The following SENP2 variants were observed in gnomAD, a reference collection of about 807,000 sequenced individuals.
SENP2 encodes SUMO specific peptidase 2.
Under a neutral mutation model 86.3 loss-of-function variants are expected in SENP2, and 16 were observed. The observed-to-expected ratio is 0.19, with a 90% CI of 0.13 to 0.28. The LOEUF (loss-of-function observed/expected upper bound fraction) is 0.28, where lower values mean the gene tolerates loss of function less well. Among genes scored for constraint, SENP2 ranks in the 10% least tolerant of loss-of-function variants. The pLI, the probability that SENP2 is intolerant of heterozygous loss-of-function variation, is 1.00. For synonymous variants in SENP2, 222 were observed against 238.7 expected (o/e 0.93, Z 0.64); for missense variants, 552 against 703.0 (o/e 0.79, Z 2.43).
intron 5 of SENP2, among the ~76,000 whole-genome samples, chr3:185,602,832 T>TAAA (rs1156317272): frequency 6.8e-4 from 43 of 63,038 alleles, no homozygotes; most frequent in African/African-American, 2.4e-3. Context: ...GACTCTGTCT[T>TAAA]AAAAAAAAAA....
chr3:185,602,364 G>A (rs1298987870), intron 5 of SENP2, among the ~76,000 whole-genome samples: 1 of 152,102 alleles, frequency 6.6e-6, no homozygotes, highest in Non-Finnish European at 1.5e-5. Context: ...TCAAAAACTG[G>A]GCATGCCACC....
Position 185,617,422 on chromosome 3 carries a change from A to G in SENP2, c.1111-58A>G, listed in dbSNP as rs866501375. 1.6e-5 allele frequency: 23 copies of G among 1,474,566 alleles called. No individual in the cohort carries two copies. In the East Asian group the frequency reaches 4.5e-4, roughly 29 times the overall value. The allele number at this position is 1,474,566 out of a possible 1,614,324, so 91.3% of individuals were successfully genotyped here. On this transcript the variant is annotated intron_variant, in intron 11 of 16. Transcript: ENST00000296257. ...ACTTTTTTCAGTCTCGGAGTTTTCAATAACTGATAATGAATGGTTCTATAT... is the reference window on the plus strand; with the variant it reads ...ACTTTTTTCAGTCTCGGAGTTTTCAGTAACTGATAATGAATGGTTCTATAT...
At chr3:185,599,202 GT>G (rs971048885) in intron 4 of SENP2, among the ~76,000 whole-genome samples, 178 bp downstream of exon 4, 1 of 151,884 alleles carries the variant, frequency 6.6e-6, no homozygotes, top group African/African-American at 2.4e-5. Flanking sequence ...ATTTACTGTT[GT>G]TTTTTGTTTG....
At chr3:185,587,569 A>ACTTTTTTTTTTTTTTT (rs1491115475) in intron 1 of SENP2, among the ~76,000 whole-genome samples, 1 of 103,208 alleles carries the variant, frequency 9.7e-6, no homozygotes, top group Non-Finnish European at 2.0e-5. Flanking sequence ...ATCAAGTGTT[A>ACTTTTTTTTTTTTTTT]ATTTTTTTTT....
intron 10 of SENP2, 51 bp downstream of exon 10, chr3:185,613,459 T>C (rs1334210203): frequency 3.6e-6 from 4 of 1,111,718 alleles, no homozygotes; most frequent in Admixed American, 1.8e-5. Context: ...ATGTAACTTA[T>C]GTTTTGGTGC....
chr3:185,592,011 CTTTTT>C (rs149268515), intron 2 of SENP2, among the ~76,000 whole-genome samples: 95 of 65,800 alleles, frequency 1.4e-3, no homozygotes, highest in Non-Finnish European at 2.4e-3. Flanking sequence ...GGTAATATTT[CTTTTT>C]TTTTTTTTTT....
chr3:185,627,094 A>T (rs1013859018), intron 16 of SENP2, among the ~76,000 whole-genome samples: 2 of 151,588 alleles, frequency 1.3e-5, no homozygotes, highest in Admixed American at 6.6e-5. Context: ...AAAAAAAAAA[A>T]AAAAAAAAAA....
In SENP2 at chr3:185,588,031, G is replaced by T. The variant is rs1181791448; in HGVS notation, c.101+1517G>T. On this transcript the variant is annotated intron_variant, in intron 1 of 16. Transcript: ENST00000296257. ...TGGGATTACAGGCCTGAGCCACAGC[G>T]CCCGGCCACTACCGGCTAATTTTTT... Among the ~76,000 whole-genome samples, 4 of 141,734 alleles carry T rather than the reference G, an allele frequency of 2.8e-5. No homozygotes were observed. The East Asian group carries it at 6.4e-4, about 23-fold the overall frequency. 93.0% of individuals were successfully genotyped at this position (141,734 alleles called of 152,430 possible).
rs1376088493 is a variant in SENP2 at position 185,631,252 on chromosome 3, CCCAGAG to C, written c.*1409_*1414del. Reference sequence around the variant, plus strand: ...CATTTGCAGTGCTCCGGCTGCTGGTCCCAGAGGTATACTGGTTACAGCTATTGCAGC... The same window carrying C: ...CATTTGCAGTGCTCCGGCTGCTGGTCGTATACTGGTTACAGCTATTGCAGC... On this transcript the variant is annotated 3_prime_UTR_variant, in exon 17 of 17. Coordinates refer to ENST00000296257, the MANE Select transcript of SENP2 (RefSeq NM_021627.3). 2 of 152,014 alleles carry C rather than the reference CCCAGAG, an allele frequency of 1.3e-5. No individual in the cohort carries two copies. 9.4% of individuals were successfully genotyped at this position (152,014 alleles called of 1,614,324 possible). A position where few individuals can be genotyped will look rare whatever the true frequency, so the allele number is the denominator to read the frequency against.
At chr3:185,619,613 A>G (rs1435815065) in intron 13 of SENP2, 111 bp downstream of exon 13, 2 of 718,528 alleles carry the variant, frequency 2.8e-6, no homozygotes, top group Non-Finnish European at 4.5e-6. Flanking sequence ...ATATATTATA[A>G]GCATACTCTG....
intron 2 of SENP2, among the ~76,000 whole-genome samples, chr3:185,595,358 A>G (rs938958675): frequency 3.3e-5 from 5 of 152,214 alleles, no homozygotes; most frequent in Admixed American, 2.0e-4. Context: ...AGTGTGTACT[A>G]TCCCTCAGCA....
intron 16 of SENP2, among the ~76,000 whole-genome samples, chr3:185,628,148 T>C (rs1712232978): frequency 6.6e-6 from 1 of 152,108 alleles, no homozygotes. Flanking sequence ...ATTATTATTA[T>C]TATTTTGAGA....
chr3:185,626,932 C>A (rs959782751), intron 16 of SENP2, among the ~76,000 whole-genome samples: 23 of 149,748 alleles, frequency 1.5e-4, no homozygotes, highest in Admixed American at 2.7e-4. Context: ...AAAAAATTAG[C>A]CACGTGGTGG....
rs564334060 is a variant in SENP2, at chr3:185,590,945, C to T, written c.157+776C>T. Among the ~76,000 whole-genome samples, 4 of 69,336 alleles carry T rather than the reference C, an allele frequency of 5.8e-5. No individual in the cohort carries two copies. The East Asian group carries it at 1.3e-3, about 23-fold the overall frequency. The allele number at this position is 69,336 out of a possible 152,430, so 45.5% of individuals were successfully genotyped here. ...TTTTTGAGACAGAGTCTTGCTCTGTCGCAGGCTGGAGTGCAGTGGCGCAAT... is the reference window on the plus strand; with the variant it reads ...TTTTTGAGACAGAGTCTTGCTCTGTTGCAGGCTGGAGTGCAGTGGCGCAAT... On this transcript the variant is annotated intron_variant, in intron 2 of 16. Transcript: ENST00000296257.
chr3:185,613,375 G>A lies in SENP2; in HGVS notation c.900G>A (p.Glu300=), dbSNP rs1210342065. 6.3e-7 allele frequency: 1 copy of A among 1,597,862 alleles called. No homozygotes were observed. Among genetic ancestry groups the A allele is most frequent in the Non-Finnish European group, 8.6e-7 (1 of 1,166,718 alleles). ...RCSKGKITDT[E]TMVGIRFENE... is the part of the protein sequence containing the mutation. ...CAAAGGGGAAAATTACTGATACAGA[G>A]ACGATGGTCGGAATCAGATTTGAAA... The change falls in exon 10 of 17, where the codon GAG becomes GAA. Residue 300 remains glutamate, a synonymous_variant. Coordinates refer to ENST00000296257, the MANE Select transcript of SENP2 (RefSeq NM_021627.3).
At chr3:185,588,768 G>A (rs186151196) in intron 1 of SENP2, among the ~76,000 whole-genome samples, 2 of 152,296 alleles carry the variant, frequency 1.3e-5, no homozygotes, top group East Asian at 3.9e-4. Context: ...GGTAGTATTT[G>A]TCTGTCCTAC....
Position 185,609,251 on chromosome 3 carries a change from T to C in SENP2, c.623T>C (p.Val208Ala). 1 of 1,610,962 alleles carries C rather than the reference T, an allele frequency of 6.2e-7. No homozygotes were observed. The highest frequency in any genetic ancestry group is 8.5e-7 in the Non-Finnish European group (1 of 1,177,376). ...RRPHCTVEEG[V>A]QKEEREKYRK... ...AACATGCTTTCTTTTATTTAGGGTG[T>C]TCAAAAAGAGGAAAGAGAGAAGTAC... The change falls in exon 7 of 17, where the codon GTT (valine) becomes GCT (alanine). Residue 208 changes from valine (V) to alanine (A), a missense_variant. By Grantham distance (64) the Val-to-Ala change is moderately conservative. This residue lies in a region of SENP2 where 383 missense variants were observed against 427.3 expected (regional missense o/e 0.90). Transcript: ENST00000296257.
chr3:185,594,584 A>T (rs1357696523), intron 2 of SENP2, among the ~76,000 whole-genome samples: 1 of 152,036 alleles, frequency 6.6e-6, no homozygotes, highest in African/African-American at 2.4e-5. Flanking sequence ...AGGGTAAAAG[A>T]AAAGAAAGAA....
chr3:185,597,340 T>C (rs902059700), intron 2 of SENP2, among the ~76,000 whole-genome samples: 3 of 152,084 alleles, frequency 2.0e-5, no homozygotes, highest in Non-Finnish European at 4.4e-5. Flanking sequence ...TAGAAAAATA[T>C]TATTTATTTG....
Sources: gnomAD v4.1 joint callset for allele counts (sites outside exome capture counted in the v4.1 genomes callset) on GRCh38, gnomAD v4.1.1 for gene constraint, gnomAD v4.1.1 regional missense constraint, MANE v1.5 for transcripts, NCBI Gene and HGNC (gene_info 2026-07-23, HGNC 2026-07-21) for gene names.